SPRY3: variants seen among roughly 807,000 people sequenced by gnomAD.
The protein encoded by SPRY3 is protein sprouty homolog 3.
Under a neutral mutation model 20.2 loss-of-function variants are expected in SPRY3, and 15 were observed. The observed-to-expected ratio is 0.74, with a 90% CI of 0.50 to 1.14. SPRY3 has a LOEUF of 1.14. Ranked by LOEUF, SPRY3 falls within the 50% of genes most tolerant of loss-of-function variation. The pLI is 0.00. For synonymous variants in SPRY3, 143 were observed against 136.5 expected, an observed-to-expected ratio of 1.05 and a Z score of -0.33; for missense variants, 364 against 363.9, an observed-to-expected ratio of 1.00 and a Z score of 0.00.
chrX:155,674,494 G>A (rs1474911224), intron 2 of SPRY3, among the ~76,000 whole-genome samples: 1 of 110,780 alleles, frequency 9.0e-6, no homozygotes, highest in Non-Finnish European at 1.9e-5. Context: ...AAATCTAATG[G>A]TTATACAGTT....
intron 2 of SPRY3, among the ~76,000 whole-genome samples, chrX:155,767,233 G>A (rs2091337667): frequency 6.6e-6 from 1 of 151,806 alleles, no homozygotes; most frequent in South Asian, 2.1e-4. Flanking sequence ...CGGGGGGAGG[G>A]GGGAGAGAAA....
chrX:155,663,557 A>G (rs1314700614), intron 2 of SPRY3, among the ~76,000 whole-genome samples: 4 of 111,688 alleles, frequency 3.6e-5, no homozygotes, highest in East Asian at 2.8e-4. Flanking sequence ...GAAACAATAG[A>G]CAGTTTCTTT....
intron 2 of SPRY3, among the ~76,000 whole-genome samples, chrX:155,675,115 A>G (rs2068055349): frequency 1.8e-5 from 2 of 111,990 alleles, no homozygotes; most frequent in Admixed American, 1.9e-4. Context: ...CAACGTTTCA[A>G]TACAAAACAT....
intron 2 of SPRY3, among the ~76,000 whole-genome samples, chrX:155,766,529 A>G (rs2091331383): frequency 1.3e-5 from 2 of 152,268 alleles, no homozygotes; most frequent in Non-Finnish European, 2.9e-5. Context: ...AAAGCATCCT[A>G]AGAATGCTGA....
At chrX:155,771,224 C>A (rs1346926006) in intron 3 of SPRY3, among the ~76,000 whole-genome samples, 1 of 152,050 alleles carries the variant, frequency 6.6e-6, no homozygotes, top group Non-Finnish European at 1.5e-5. Context: ...CACCATGTAC[C>A]CTTCTGCTCC....
chrX:155,733,077 C>T (rs1262630652), intron 2 of SPRY3, among the ~76,000 whole-genome samples: 1 of 151,552 alleles, frequency 6.6e-6, no homozygotes, highest in Non-Finnish European at 1.5e-5. Context: ...TGAATAAATT[C>T]CAGTATTTGA....
downstream of SPRY3, chrX:155,778,543 A>G (rs2091443723): frequency 6.0e-6 from 1 of 167,022 alleles, no homozygotes; most frequent in Non-Finnish European, 1.5e-5. Context: ...TTTTTTGAAC[A>G]AAGTATAACT....
chrX:155,752,686 T>G (rs1414668997), intron 2 of SPRY3, among the ~76,000 whole-genome samples: 1 of 151,846 alleles, frequency 6.6e-6, no homozygotes, highest in Admixed American at 6.6e-5. Context: ...CTCAAATTTT[T>G]TAAAACTCAA....
At chrX:155,733,266 A>G (rs1414671330) in intron 2 of SPRY3, among the ~76,000 whole-genome samples, 2 of 150,386 alleles carry the variant, frequency 1.3e-5, no homozygotes, top group Non-Finnish European at 3.0e-5. Context: ...TATACCATAT[A>G]CCCTATATAT....
At chrX:155,680,145 GGTGTGT>G (rs774435204) in intron 2 of SPRY3, among the ~76,000 whole-genome samples, 3,136 of 70,341 alleles carry the variant, frequency 0.045, 35 homozygotes, top group African/African-American at 0.061. Flanking sequence ...AAGCAATGCT[GGTGTGT>G]GTGTGTGTGT....
intron 1 of SPRY3, among the ~76,000 whole-genome samples, chrX:155,618,297 CTTTT>C (rs1358730621): frequency 9.0e-6 from 1 of 111,461 alleles, no homozygotes; most frequent in Admixed American, 9.5e-5. Flanking sequence ...TTGGGATTGG[CTTTT>C]TTTCTACTCA....
At chrX:155,690,635 A>G (rs2068099998) in intron 2 of SPRY3, among the ~76,000 whole-genome samples, 1 of 87,684 alleles carries the variant, frequency 1.1e-5, no homozygotes, top group Non-Finnish European at 2.1e-5. Flanking sequence ...TTCGACAAGA[A>G]GACCTAACTC....
At chrX:155,682,518 A>AT (rs199700165) in intron 2 of SPRY3, among the ~76,000 whole-genome samples, 3 of 111,329 alleles carry the variant, frequency 2.7e-5, no homozygotes, top group African/African-American at 9.8e-5. Context: ...AAGCCTTGTT[A>AT]TTTTTTTAAA....
intron 2 of SPRY3, among the ~76,000 whole-genome samples, chrX:155,760,592 T>C (rs1016243326): frequency 2.0e-5 from 3 of 152,132 alleles, no homozygotes; most frequent in African/African-American, 7.2e-5. Flanking sequence ...GGACCGGTTT[T>C]GTGGAAGACA....
intron 2 of SPRY3, among the ~76,000 whole-genome samples, chrX:155,684,711 C>T (rs2068082801): frequency 8.9e-6 from 1 of 111,900 alleles, no homozygotes; most frequent in African/African-American, 3.2e-5. Context: ...ATTTCTATTG[C>T]TTTTCCTTCA....
At chrX:155,767,229 G>A (rs1038101085) in intron 2 of SPRY3, among the ~76,000 whole-genome samples, 15 of 151,886 alleles carry the variant, frequency 9.9e-5, no homozygotes, top group Non-Finnish European at 1.9e-4. Context: ...CACGCGGGGG[G>A]AGGGGGGAGA....
At chrX:155,659,640 G>A (rs1486226098) in intron 2 of SPRY3, among the ~76,000 whole-genome samples, 1 of 111,218 alleles carries the variant, frequency 9.0e-6, no homozygotes, top group Non-Finnish European at 1.9e-5. Flanking sequence ...TTGTGCATCT[G>A]GTAGAAATTA....
intron 1 of SPRY3, among the ~76,000 whole-genome samples, chrX:155,619,910 C>T (rs1352409255): frequency 2.7e-5 from 3 of 111,031 alleles, no homozygotes; most frequent in Admixed American, 9.6e-5. Context: ...AGAAGATGTA[C>T]GAATGGCCAA....
At chrX:155,751,067 G>A (rs1316177175) in intron 2 of SPRY3, among the ~76,000 whole-genome samples, 1 of 151,736 alleles carries the variant, frequency 6.6e-6, no homozygotes, top group Non-Finnish European at 1.5e-5. Context: ...AAAAGTAATA[G>A]GGGTCAATGA....
Sources: allele counts gnomAD v4.1 joint callset (sites outside exome capture counted in the v4.1 genomes callset), GRCh38; gene constraint gnomAD v4.1.1; transcripts MANE v1.5; gene names NCBI Gene and HGNC (gene_info 2026-07-23, HGNC 2026-07-21).